Variants in SNAP91 observed in about 807,000 individuals in gnomAD.
SNAP91 encodes clathrin coat assembly protein AP180.
Under a neutral mutation model 100.3 loss-of-function variants are expected in SNAP91, and 27 were observed. The ratio of observed to expected loss-of-function variants is 0.27; its 90% CI spans 0.20 to 0.37. SNAP91 has a LOEUF of 0.37. Among genes scored for constraint, SNAP91 ranks in the 10% least tolerant of loss-of-function variants. The pLI is 1.00. For missense variants in SNAP91, 986 were observed against 1,123.7 expected, an observed-to-expected ratio of 0.88 and a Z score of 1.75; for synonymous variants, 404 against 398.6, an observed-to-expected ratio of 1.01 and a Z score of -0.16.
intron 9 of SNAP91, among the ~76,000 whole-genome samples, chr6:83,622,395 C>G (rs919944471): frequency 5.3e-5 from 8 of 151,946 alleles, no homozygotes; most frequent in African/African-American, 1.9e-4. Context: ...ATAAGGACAG[C>G]AAATTACTAA....
intron 8 of SNAP91, among the ~76,000 whole-genome samples, chr6:83,623,869 T>A (rs1225201359): frequency 6.6e-6 from 1 of 152,058 alleles, no homozygotes; most frequent in Non-Finnish European, 1.5e-5. Context: ...ACAACACAAA[T>A]AATAACATAT....
intron 7 of SNAP91, among the ~76,000 whole-genome samples, chr6:83,647,406 G>T (rs2128612632): frequency 1.3e-5 from 2 of 152,140 alleles, no homozygotes; most frequent in East Asian, 3.9e-4. Flanking sequence ...GTCATGAATG[G>T]GTGTTGGATT....
chr6:83,642,425 T>G (rs1381626641), intron 7 of SNAP91, among the ~76,000 whole-genome samples: 1 of 152,078 alleles, frequency 6.6e-6, no homozygotes, highest in Non-Finnish European at 1.5e-5. Context: ...CACCTATGAG[T>G]GAGAACATGC....
chr6:83,672,183 C>T (rs186211836), intron 2 of SNAP91, among the ~76,000 whole-genome samples: 7 of 152,224 alleles, frequency 4.6e-5, no homozygotes, highest in South Asian at 2.1e-4. Context: ...TTGCCTAGAA[C>T]GTCTCTGCCT....
intron 7 of SNAP91, among the ~76,000 whole-genome samples, chr6:83,648,499 G>A (rs868656805): frequency 4.0e-5 from 6 of 151,764 alleles, no homozygotes; most frequent in Middle Eastern, 3.4e-3. Context: ...TCATAAGTTA[G>A]GTGTATGTTT....
intron 24 of SNAP91, among the ~76,000 whole-genome samples, chr6:83,577,258 T>C (rs1180200181): frequency 6.6e-6 from 1 of 152,138 alleles, no homozygotes; most frequent in Non-Finnish European, 1.5e-5. Flanking sequence ...ATGAAGTTAA[T>C]ATTTATTTCT....
chr6:83,562,601 C>A (rs1359587785), intron 26 of SNAP91, among the ~76,000 whole-genome samples: 1 of 152,180 alleles, frequency 6.6e-6, no homozygotes, highest in Non-Finnish European at 1.5e-5. Context: ...CATACCATCA[C>A]CTTCCCTATG....
intron 11 of SNAP91, chr6:83,611,338 A>C: frequency 3.0e-6 from 1 of 332,434 alleles, no homozygotes; most frequent in Non-Finnish European, 6.0e-6. Context: ...ATGAGGGAAA[A>C]TTAGGAAGGC....
At chr6:83,700,062 G>T (rs956472671) in intron 2 of SNAP91, among the ~76,000 whole-genome samples, 1 of 152,090 alleles carries the variant, frequency 6.6e-6, no homozygotes, top group Admixed American at 6.6e-5. Flanking sequence ...CAGCTTTAGG[G>T]GTTAAAACTA....
chr6:83,607,741 G>A lies in SNAP91; in HGVS notation c.980C>T (p.Pro327Leu), dbSNP rs755782426. 7 of 1,594,812 alleles carry A rather than the reference G, an allele frequency of 4.4e-6. No homozygotes were observed. The highest frequency in any genetic ancestry group is 1.7e-5 in the Admixed American group (1 of 57,246). The change falls in exon 13 of 30, where the codon CCG becomes CTG. Residue 327 changes from proline (P) to leucine (L), a missense_variant. Physicochemically the swap from Pro to Leu is moderately conservative, Grantham distance 98. Around this residue, in one of 4 missense-constraint regions of SNAP91, gnomAD observed 330 missense variants for 447.5 expected, o/e 0.74. Coordinates refer to ENST00000369694, the MANE Select transcript of SNAP91 (RefSeq NM_001242792.2). ...AGATGCAGTTGCAAATAAATCAACC[G>A]GTGGGGATGTGTCAATAGTTTTAGC... ...TPAKTIDTSP[P>L]VDLFATASAA...
At chr6:83,571,568 T>C (rs916882364) in intron 26 of SNAP91, among the ~76,000 whole-genome samples, 1 of 152,228 alleles carries the variant, frequency 6.6e-6, no homozygotes, top group African/African-American at 2.4e-5. Context: ...TGGCGGTATT[T>C]ACCCAAAGCC....
At chr6:83,617,189 A>C (rs2096533121) in intron 9 of SNAP91, 150 bp from the exon 10 acceptor site, 1 of 519,736 alleles carries the variant, frequency 1.9e-6, no homozygotes, top group Admixed American at 3.6e-5. Context: ...TAGTATTTAA[A>C]TATTTAAATT....
At chr6:83,674,778 C>A (rs761803793) in intron 2 of SNAP91, among the ~76,000 whole-genome samples, 1 of 151,910 alleles carries the variant, frequency 6.6e-6, no homozygotes, top group Non-Finnish European at 1.5e-5. Flanking sequence ...TTTTCCCATG[C>A]GGAATGAAGA....
intron 2 of SNAP91, among the ~76,000 whole-genome samples, chr6:83,669,565 C>T (rs2098746978): frequency 6.8e-6 from 1 of 147,772 alleles, no homozygotes; most frequent in Non-Finnish European, 1.5e-5. Context: ...CCTATACACT[C>T]ATAAAACCAA....
intron 7 of SNAP91, among the ~76,000 whole-genome samples, chr6:83,648,754 A>AT (rs35521668): frequency 0.21 from 32,444 of 152,064 alleles, 4,286 homozygotes; most frequent in East Asian, 0.4. Flanking sequence ...GCCATTTTAT[A>AT]TCTTCTTTTG....
chr6:83,678,663 T>C (rs1277626731), intron 2 of SNAP91: 1 of 929,176 alleles, frequency 1.1e-6, no homozygotes, highest in Non-Finnish European at 1.5e-6. Context: ...CATTCCAAGG[T>C]TATCACAGCA....
chr6:83,586,214 C>T (rs2092592143), intron 22 of SNAP91, among the ~76,000 whole-genome samples: 1 of 152,194 alleles, frequency 6.6e-6, no homozygotes, highest in African/African-American at 2.4e-5. Context: ...AATTGATCCT[C>T]TGTAGACTTT....
intron 2 of SNAP91, among the ~76,000 whole-genome samples, chr6:83,668,888 C>T (rs545734487): frequency 2.6e-5 from 4 of 152,096 alleles, no homozygotes; most frequent in African/African-American, 9.6e-5. Flanking sequence ...ACATCTTATA[C>T]ACCCACTGTG....
rs535532143 is a variant in SNAP91 at position 83,705,812 on chromosome 6, GA to G, written c.130+1985del. ...AGAGTGAGACTCCATCTCACAAAGA[GA>G]AAAAAAAAAAGCCATGAAAGTTAAT... On this transcript the variant is annotated intron_variant, in intron 2 of 29. Coordinates refer to ENST00000369694, the MANE Select transcript of SNAP91 (RefSeq NM_001242792.2). Among the ~76,000 whole-genome samples the G allele has an allele frequency of 4.9e-3, 660 of 133,444 alleles. 2 individuals carry two copies. The highest frequency in any genetic ancestry group is 0.011 in the African/African-American group (403 of 36,316). 87.5% of individuals were successfully genotyped at this position (133,444 alleles called of 152,430 possible). A position where few individuals can be genotyped will look rare whatever the true frequency, so the allele number is the denominator to read the frequency against.
Sources: gnomAD v4.1 joint callset for allele counts (sites outside exome capture counted in the v4.1 genomes callset) on GRCh38, gnomAD v4.1.1 for gene constraint, gnomAD v4.1.1 regional missense constraint, MANE v1.5 for transcripts, NCBI Gene and HGNC (gene_info 2026-07-23, HGNC 2026-07-21) for gene names.